The following KIF2C variants were observed in gnomAD, a reference collection of about 807,000 sequenced individuals.
The protein encoded by KIF2C is kinesin-like protein KIF2C.
KIF2C carries 34 observed loss-of-function variants against 97.4 expected under a neutral mutation model. The observed-to-expected ratio is 0.35, with a 90% CI of 0.27 to 0.46. KIF2C has a LOEUF of 0.46. KIF2C is among the 20% of genes least tolerant of loss of function. The probability of loss-of-function intolerance (pLI) is 1.00; values close to 1 mark genes in which losing one functional copy is unlikely to be tolerated. For missense variants in KIF2C, 750 were observed against 907.6 expected, an observed-to-expected ratio of 0.83 and a Z score of 2.23; for synonymous variants, 313 against 318.2, an observed-to-expected ratio of 0.98 and a Z score of 0.17.
chr1:44,754,369 G>A (rs1284254026), intron 7 of KIF2C, among the ~76,000 whole-genome samples: 1 of 152,132 alleles, frequency 6.6e-6, no homozygotes. Context: ...TGCTCACATG[G>A]CGTGATGGCC....
Position 44,758,101 on chromosome 1 carries a change from G to C in KIF2C, c.1185G>C (p.Leu395=). 1 of 1,604,826 alleles carries C rather than the reference G, an allele frequency of 6.2e-7. No individual in the cohort carries two copies. The highest frequency in any genetic ancestry group is 8.5e-7 in the Non-Finnish European group (1 of 1,175,972). Residue 395 remains leucine (L), a synonymous_variant, in exon 13 of 21, where the codon CTG becomes CTC. Transcript: ENST00000372224. ...AACCCTGCTACCGGAAGTTGGGCCT[G>C]GAAGTCTATGTGACATTCTTCGAGA... ...KNQPCYRKLG[L]EVYVTFFEIY... is the part of the protein sequence containing the mutation.
At chr1:44,740,147 C>A in intron 1 of KIF2C, 145 bp downstream of exon 1, 1 of 963,304 alleles carries the variant, frequency 1.0e-6, no homozygotes. Flanking sequence ...GGTCTCTGCA[C>A]TGGCAGTCAT....
intron 19 of KIF2C, among the ~76,000 whole-genome samples, chr1:44,766,550 A>G (rs995228192): frequency 3.3e-5 from 5 of 151,948 alleles, no homozygotes; most frequent in Non-Finnish European, 7.4e-5. Flanking sequence ...GGTGGAGGCT[A>G]TGGTGAGCCG....
intron 5 of KIF2C, among the ~76,000 whole-genome samples, chr1:44,752,672 T>A (rs558722338): frequency 6.6e-6 from 1 of 152,208 alleles, no homozygotes; most frequent in African/African-American, 2.4e-5. Context: ...TGTTGTGGAT[T>A]GGACCTTTCT....
At chr1:44,752,883 TC>T (rs1197992039) in intron 5 of KIF2C, among the ~76,000 whole-genome samples, 1 of 152,200 alleles carries the variant, frequency 6.6e-6, no homozygotes, top group East Asian at 1.9e-4. Context: ...CAGAGGCTTT[TC>T]CCTTCATGTC....
At position 44,762,363 on chromosome 1, in the gene KIF2C, C is replaced by A. The variant is rs1573576040; in HGVS notation, c.1769C>A (p.Pro590His). 6.2e-7 allele frequency: 1 copy of A among 1,613,920 alleles called. No individual in the cohort carries two copies. The change falls in exon 18 of 21, where the codon CCC (proline) becomes CAC (histidine). Residue 590 changes from proline to histidine, a missense_variant. Transcript: ENST00000372224. ...RYADRVKELS[P>H]HSGPSGEQLI... ...TTCCTCAGGGTCAAGGAGCTGAGCC[C>A]CCACAGTGGGCCCAGTGGAGAGCAG...
At chr1:44,753,593 A>G (rs1348065616) in intron 6 of KIF2C, 140 bp from the exon 7 acceptor site, 1 of 615,680 alleles carries the variant, frequency 1.6e-6, no homozygotes, top group Non-Finnish European at 2.9e-6. Flanking sequence ...GCATATAGTG[A>G]TTTAAGAGTA....
At chr1:44,750,998 A>C (rs1048411472) in intron 5 of KIF2C, among the ~76,000 whole-genome samples, 3 of 152,194 alleles carry the variant, frequency 2.0e-5, no homozygotes, top group African/African-American at 7.2e-5. Context: ...GTCTAAGTAC[A>C]CAGAGCATTG....
intron 10 of KIF2C, among the ~76,000 whole-genome samples, 165 bp from the exon 11 acceptor site, chr1:44,757,391 G>A (rs1241170108): frequency 6.6e-6 from 1 of 152,170 alleles, no homozygotes; most frequent in Non-Finnish European, 1.5e-5. Context: ...GAGTATTTCA[G>A]ATTTGTAAAG....
In KIF2C at chr1:44,739,877, T is replaced by C. The variant is rs1241112413; in HGVS notation, c.-56T>C. On this transcript the variant is annotated 5_prime_UTR_variant, in exon 1 of 21. Transcript: ENST00000372224. Reference sequence around the variant, plus strand: ...ACGCGGCGTTAAGACTTCGTAGGGTTAGCGAAATTGAGGTTTCTTGGTATT... The same window carrying C: ...ACGCGGCGTTAAGACTTCGTAGGGTCAGCGAAATTGAGGTTTCTTGGTATT... 1.3e-6 allele frequency: 2 copies of C among 1,510,706 alleles called. No individual in the cohort carries two copies. The highest frequency in any genetic ancestry group is 1.8e-6 in the Non-Finnish European group (2 of 1,085,868). 93.6% of individuals were successfully genotyped at this position (1,510,706 alleles called of 1,614,324 possible).
At position 44,750,456 on chromosome 1, in the gene KIF2C, TC is replaced by T; in HGVS notation, c.333del (p.Thr112LeufsTer51). On this transcript the variant is annotated frameshift_variant, in exon 5 of 21. Transcript: ENST00000372224. LOFTEE classifies it high-confidence loss of function. ...PAPKESLRSR[S>X]TRMSTVSELR... ...CGGTTCTCCAGGTCTTCGAAGCCGC[TC>T]CACTCGCATGTCCACTGTCTCAGAG... is the stretch of plus-strand genomic sequence containing the variant. 1 of 1,495,372 alleles carries T rather than the reference TC, an allele frequency of 6.7e-7. No homozygotes were observed. Among genetic ancestry groups the T allele is most frequent in the South Asian group, 1.3e-5 (1 of 74,078 alleles). 92.6% of individuals were successfully genotyped at this position (1,495,372 alleles called of 1,614,324 possible).
intron 14 of KIF2C, 140 bp downstream of exon 14, chr1:44,759,488 G>C: frequency 9.8e-7 from 1 of 1,020,196 alleles, no homozygotes; most frequent in Non-Finnish European, 1.4e-6. Flanking sequence ...TGCTTTACGG[G>C]GTCTCAATAA....
intron 13 of KIF2C, 106 bp from the exon 14 acceptor site, chr1:44,759,100 C>T: frequency 7.0e-7 from 1 of 1,433,296 alleles, no homozygotes; most frequent in Non-Finnish European, 9.7e-7. Context: ...CTCTGCCTTT[C>T]CTGCTGCTGG....
At position 44,752,590 on chromosome 1, in the gene KIF2C, A is replaced by G. The variant is rs115574934; in HGVS notation, c.440-542A>G. Among the ~76,000 whole-genome samples, 98 of 152,376 alleles carry G rather than the reference A, an allele frequency of 6.4e-4. 1 individual carries two copies. The highest frequency in any genetic ancestry group is 2.3e-3 in the African/African-American group (94 of 41,592). ...AAGACACACAACCATTATACTTTAC[A>G]TATATCAAATTCAGCTCTAATACGA... On this transcript the variant is annotated intron_variant, in intron 5 of 20. Coordinates refer to ENST00000372224, the MANE Select transcript of KIF2C (RefSeq NM_006845.4).
chr1:44,766,851 C>CT lies in KIF2C; in HGVS notation c.1998dup (p.Glu667Ter). 1 of 1,614,238 alleles carries CT rather than the reference C, an allele frequency of 6.2e-7. No homozygotes were observed. The highest frequency in any genetic ancestry group is 8.5e-7 in the Non-Finnish European group (1 of 1,180,036). ...CAAGGACCAGACTGGCTTGAGCTCT[C>CT]TGAGATGACCGAGCAGCCAGACTAT... On this transcript the variant is annotated frameshift_variant, in exon 20 of 21. Transcript: ENST00000372224. LOFTEE classifies it high-confidence loss of function.
In KIF2C at chr1:44,739,852, A is replaced by G. The variant is rs760887684; in HGVS notation, c.-81A>G. 2.5e-4 allele frequency: 323 copies of G among 1,285,856 alleles called. No homozygotes were observed. Among genetic ancestry groups the G allele is most frequent in the Non-Finnish European group, 3.5e-4 (309 of 883,360 alleles). 79.7% of individuals were successfully genotyped at this position (1,285,856 alleles called of 1,614,324 possible). On this transcript the variant is annotated 5_prime_UTR_variant, in exon 1 of 21. Transcript: ENST00000372224. ...CGCGGGATTTAAACTGCGGCGGTTT[A>G]CGCGGCGTTAAGACTTCGTAGGGTT...
chr1:44,763,747 T>G (rs963761010), intron 19 of KIF2C, among the ~76,000 whole-genome samples: 2 of 152,056 alleles, frequency 1.3e-5, no homozygotes, highest in Non-Finnish European at 2.9e-5. Context: ...CAAGAAAAAC[T>G]ATTGCCAGCC....
intron 1 of KIF2C, among the ~76,000 whole-genome samples, chr1:44,740,254 C>T (rs2096018197): frequency 2.0e-5 from 3 of 152,192 alleles, no homozygotes; most frequent in South Asian, 2.1e-4. Context: ...GGTAGACCTC[C>T]CAGGGAAGTT....
Position 44,744,038 on chromosome 1 carries a change from G to A in KIF2C, c.165+3031G>A, listed in dbSNP as rs142622974. On this transcript the variant is annotated intron_variant, in intron 2 of 20. Coordinates refer to ENST00000372224, the MANE Select transcript of KIF2C (RefSeq NM_006845.4). The stretch of plus-strand genomic sequence containing the variant: ...AAATACTGCTTTTGGAATAAGATCC[G>A]AACTTCTTAGTGGGGCATTCAGAGC... Among the ~76,000 whole-genome samples the A allele has an allele frequency of 6.6e-5, 10 of 150,694 alleles. No individual in the cohort carries two copies. The East Asian group carries it at 1.7e-3, about 26-fold the overall frequency.
Sources: gnomAD v4.1 joint callset for allele counts (sites outside exome capture counted in the v4.1 genomes callset) on GRCh38, gnomAD v4.1.1 for gene constraint, MANE v1.5 for transcripts, NCBI Gene and HGNC (gene_info 2026-07-23, HGNC 2026-07-21) for gene names.